PDCD6: variants seen among roughly 807,000 people sequenced by gnomAD.
PDCD6 encodes programmed cell death protein 6.
Under a neutral mutation model 28.3 loss-of-function variants are expected in PDCD6, and 12 were observed. The observed-to-expected ratio is 0.42, with a 90% CI of 0.27 to 0.69. PDCD6 has a LOEUF of 0.69. Ranked by LOEUF, PDCD6 falls within the 30% of genes least tolerant of loss-of-function variation. The pLI is 0.22. For missense variants in PDCD6, 226 were observed against 269.9 expected (o/e 0.84, Z 1.14); for synonymous variants, 92 against 108.0 (o/e 0.85, Z 0.92).
At position 304,254 on chromosome 5, in the gene PDCD6, C is replaced by T. The variant is rs1474435341; in HGVS notation, c.208+33C>T. 46 of 1,469,310 alleles carry T rather than the reference C, an allele frequency of 3.1e-5. 1 individual carries two copies. In the African/African-American group the frequency reaches 6.4e-4, roughly 20 times the overall value. 91.0% of individuals were successfully genotyped at this position (1,469,310 alleles called of 1,614,324 possible). A position where few individuals can be genotyped will look rare whatever the true frequency, so the allele number is the denominator to read the frequency against. On this transcript the variant is annotated intron_variant, in intron 3 of 5. Coordinates refer to ENST00000264933, the MANE Select transcript of PDCD6 (RefSeq NM_013232.4). The stretch of plus-strand genomic sequence containing the variant: ...TCGGCAGACGGACCAACCTGGGCTG[C>T]TTTGTATCCGACCCGCTTGGGTACC...
intron 2 of PDCD6, among the ~76,000 whole-genome samples, chr5:285,614 G>A (rs1382287328): frequency 2.0e-5 from 3 of 151,874 alleles, no homozygotes; most frequent in Non-Finnish European, 4.4e-5. Flanking sequence ...AGACCCATGG[G>A]GATCTGATGT....
intron 2 of PDCD6, among the ~76,000 whole-genome samples, chr5:288,019 TAATG>T (rs1005611833): frequency 5.9e-5 from 9 of 152,276 alleles, no homozygotes; most frequent in Non-Finnish European, 7.4e-5. Context: ...TTCTCATAAA[TAATG>T]AAGTCTGTTT....
chr5:281,560 C>A (rs1738563391), intron 2 of PDCD6, among the ~76,000 whole-genome samples: 1 of 151,852 alleles, frequency 6.6e-6, no homozygotes, highest in Admixed American at 6.5e-5. Flanking sequence ...AGATGGAGAT[C>A]TGTGAGGAGC....
intron 2 of PDCD6, among the ~76,000 whole-genome samples, chr5:295,690 G>A (rs1188601548): frequency 6.8e-6 from 1 of 146,324 alleles, no homozygotes; most frequent in Admixed American, 6.9e-5. Context: ...GGTCCCTGGT[G>A]GTCATGACCG....
At chr5:292,179 C>T (rs1013342150) in intron 2 of PDCD6, among the ~76,000 whole-genome samples, 1 of 152,164 alleles carries the variant, frequency 6.6e-6, no homozygotes, top group Non-Finnish European at 1.5e-5. Flanking sequence ...TCCACATTTC[C>T]TCTTCTGTGG....
At chr5:289,817 C>T in intron 2 of PDCD6, 1 of 1,283,984 alleles carries the variant, frequency 7.8e-7, no homozygotes, top group Non-Finnish European at 1.1e-6. Flanking sequence ...GTCCCAGGCC[C>T]ATTTACATTA....
intron 5 of PDCD6, among the ~76,000 whole-genome samples, chr5:312,961 C>A (rs1314992708): frequency 6.6e-6 from 1 of 152,216 alleles, no homozygotes; most frequent in Non-Finnish European, 1.5e-5. Flanking sequence ...TATAAGTTAA[C>A]GTTGATCTTG....
intron 2 of PDCD6, among the ~76,000 whole-genome samples, chr5:301,312 G>A (rs1482273075): frequency 6.6e-6 from 1 of 152,202 alleles, no homozygotes; most frequent in Non-Finnish European, 1.5e-5. Context: ...GCAGACACTA[G>A]GTTGCCGCAC....
intron 5 of PDCD6, chr5:311,689 T>G: frequency 3.0e-6 from 1 of 335,382 alleles, no homozygotes; most frequent in South Asian, 3.1e-5. Flanking sequence ...TTTTTTGTTT[T>G]TTGTTTTGTT....
At chr5:276,025 C>G (rs1738174256) in intron 2 of PDCD6, 13 of 1,282,862 alleles carry the variant, frequency 1.0e-5, no homozygotes, top group Non-Finnish European at 1.3e-5. Flanking sequence ...GAAGCCCCAC[C>G]CGCCCTTCAG....
intron 2 of PDCD6, among the ~76,000 whole-genome samples, chr5:284,160 G>C (rs1170098926): frequency 5.3e-5 from 8 of 151,084 alleles, no homozygotes; most frequent in Non-Finnish European, 3.0e-5. Flanking sequence ...GCAGCTGCAG[G>C]CCTGGAGAGG....
chr5:303,366 T>G (rs1386879160), intron 2 of PDCD6, among the ~76,000 whole-genome samples: 1 of 151,886 alleles, frequency 6.6e-6, no homozygotes, highest in Admixed American at 6.6e-5. Context: ...TCTCCTGACC[T>G]TAAAAATATT....
At chr5:310,597 A>G (rs1016933028) in intron 4 of PDCD6, 4 of 152,430 alleles carry the variant, frequency 2.6e-5, no homozygotes, top group Admixed American at 1.3e-4. Context: ...CTGCATCCAC[A>G]TGTCTTCAGA....
intron 2 of PDCD6, chr5:289,255 C>T (rs1739172081): frequency 1.8e-6 from 1 of 570,912 alleles, no homozygotes; most frequent in African/African-American, 1.9e-5. Flanking sequence ...AAATCACATT[C>T]CCTGAAATTC....
rs1739207221 is a variant in PDCD6 at position 289,809 on chromosome 5, C to T, written c.164-14368C>T. ...TTGGTCGATTACGTGGTCTGGGTGT[C>T]CCAGGCCCATTTACATTAGACCTCT... On this transcript the variant is annotated intron_variant, in intron 2 of 5. Coordinates refer to ENST00000264933, the MANE Select transcript of PDCD6 (RefSeq NM_013232.4). 4.9e-6 allele frequency: 6 copies of T among 1,232,978 alleles called. No homozygotes were observed. The Admixed American group carries it at 1.0e-4, about 21-fold the overall frequency. 76.4% of individuals were successfully genotyped at this position (1,232,978 alleles called of 1,614,324 possible).
intron 2 of PDCD6, among the ~76,000 whole-genome samples, chr5:302,083 T>C (rs1740099633): frequency 9.3e-6 from 1 of 108,030 alleles, no homozygotes; most frequent in African/African-American, 3.1e-5. Flanking sequence ...TGTGTGTGTG[T>C]GTGTGTGTGT....
At chr5:304,634 C>T (rs185242985) in intron 3 of PDCD6, 185 of 161,500 alleles carry the variant, frequency 1.1e-3, no homozygotes, top group Middle Eastern at 3.0e-3. Context: ...TTTTGAAAAG[C>T]GCTAGATATT....
intron 2 of PDCD6, among the ~76,000 whole-genome samples, chr5:296,330 C>T (rs186621382): frequency 1.4e-3 from 219 of 152,272 alleles, no homozygotes; most frequent in Non-Finnish European, 1.3e-3. Flanking sequence ...CCCCACTTCA[C>T]CCTGGGCCTC....
intron 2 of PDCD6, among the ~76,000 whole-genome samples, chr5:281,659 CAGGG>C (rs935908789): frequency 6.6e-6 from 1 of 152,158 alleles, no homozygotes. Flanking sequence ...GCTGGAGACA[CAGGG>C]AGGAGCTGAG....
Sources: gnomAD v4.1 joint callset for allele counts (sites outside exome capture counted in the v4.1 genomes callset) on GRCh38, gnomAD v4.1.1 for gene constraint, MANE v1.5 for transcripts, NCBI Gene and HGNC (gene_info 2026-07-23, HGNC 2026-07-21) for gene names.